The following TMEM223 variants were observed in gnomAD, a reference collection of about 807,000 sequenced individuals.
TMEM223 encodes transmembrane protein 223.
TMEM223 carries 14 observed loss-of-function variants against 14.1 expected under a neutral mutation model. The ratio of observed to expected loss-of-function variants is 0.99; its 90% CI spans 0.66 to 1.55. The LOEUF (loss-of-function observed/expected upper bound fraction) is 1.55. Ranked by LOEUF, TMEM223 falls within the 40% of genes most tolerant of loss-of-function variation. The pLI, the probability that TMEM223 is intolerant of heterozygous loss-of-function variation, is 0.00. For synonymous variants in TMEM223, 145 were observed against 120.5 expected (o/e 1.20, Z -1.33); for missense variants, 346 against 269.9 (o/e 1.28, Z -1.97).
At chr11:62,775,486 C>T (rs879630159) in intron 1 of TMEM223, among the ~76,000 whole-genome samples, 1 of 152,236 alleles carries the variant, frequency 6.6e-6, no homozygotes, top group Admixed American at 6.5e-5. Flanking sequence ...AGGGCTCAGA[C>T]TGATGAAGGC....
rs2084361580 is a variant in TMEM223, at chr11:62,791,602, A to C, written c.316+77T>G. 7 of 1,412,682 alleles carry C rather than the reference A, an allele frequency of 5.0e-6. No homozygotes were observed. In the South Asian group the frequency reaches 1.0e-4, roughly 21 times the overall value. The allele number at this position is 1,412,682 out of a possible 1,614,324, so 87.5% of individuals were successfully genotyped here. A position where few individuals can be genotyped will look rare whatever the true frequency, so the allele number is the denominator to read the frequency against. ...GCCACTCTCGGATAGGGAGTCCCTG[A>C]CTCTCCCTGCCTGTATAGGGAAGGT... On this transcript the variant is annotated intron_variant, in intron 1 of 1. Transcript: ENST00000307366.
chr11:62,789,133 C>T (rs1395775353), downstream of TMEM223: 1 of 1,614,096 alleles, frequency 6.2e-7, no homozygotes, highest in Admixed American at 1.7e-5. Context: ...TAGCTGGGGC[C>T]TCTGGCCTCT....
At chr11:62,786,309 T>C (rs2084274884), downstream of TMEM223, 1 of 1,614,004 alleles carries the variant, frequency 6.2e-7, no homozygotes. Context: ...TGGACAAACT[T>C]GCAGGCTGTG....
In TMEM223 at chr11:62,776,077, T is replaced by C. The variant is rs1181686478; in HGVS notation, c.315-1412A>G. The C allele has an allele frequency of 1.6e-5, 18 of 1,154,486 alleles. No individual in the cohort carries two copies. The South Asian group carries it at 2.8e-4, about 18-fold the overall frequency. 71.5% of individuals were successfully genotyped at this position (1,154,486 alleles called of 1,614,324 possible). A position where few individuals can be genotyped will look rare whatever the true frequency, so the allele number is the denominator to read the frequency against. On this transcript the variant is annotated intron_variant, in intron 1 of 2. Coordinates refer to the TMEM223 transcript ENST00000528367. ...CCATGCCTTTACAGAACTCTACTTG[T>C]AGCTGTCTGGGCTTCCAGCAGACAA... is the stretch of plus-strand genomic sequence containing the variant.
rs755869017 is a variant in TMEM223 at position 62,791,941 on chromosome 11, G to A, written c.54C>T (p.Pro18=). 1.0e-5 allele frequency: 16 copies of A among 1,591,874 alleles called. 1 individual carries two copies. In the Admixed American group the frequency reaches 2.8e-4, roughly 28 times the overall value. ...WPTGLLAVLR[P]LLTCRPLQGT... is the part of the protein sequence containing the mutation. ...CTTGCAGGGGCCGGCAGGTGAGCAG[G>A]GGCCGCAGCACGGCTAGCAGCCCCG... The change falls in exon 1 of 2, where the codon CCC becomes CCT. Residue 18 remains proline, a synonymous_variant. Transcript: ENST00000307366.
intron 1 of TMEM223, chr11:62,779,004 G>A (rs777176022): frequency 7.7e-6 from 9 of 1,174,082 alleles, no homozygotes; most frequent in Admixed American, 1.8e-5. Context: ...AGTTGAAATT[G>A]TAAATTCTAG....
chr11:62,782,440 G>A, intron 1 of TMEM223: 1 of 1,282,124 alleles, frequency 7.8e-7, no homozygotes, highest in East Asian at 2.4e-5. Context: ...GAGAAGATGG[G>A]GAACCTTTTC....
chr11:62,787,638 G>T, downstream of TMEM223: 2 of 1,336,662 alleles, frequency 1.5e-6, no homozygotes, highest in Non-Finnish European at 2.0e-6. Context: ...CGGTGGACCT[G>T]GTGAGGCACG....
chr11:62,771,650 G>C (rs890983798), downstream of TMEM223: 9 of 175,174 alleles, frequency 5.1e-5, no homozygotes, highest in Admixed American at 3.3e-4. Flanking sequence ...CCCCCTCCCC[G>C]ATCTGGGCTG....
downstream of TMEM223, chr11:62,786,138 A>T: frequency 8.0e-7 from 1 of 1,245,188 alleles, no homozygotes; most frequent in South Asian, 1.6e-5. Flanking sequence ...CCAATCAGGG[A>T]ATTTAGGAGG....
downstream of TMEM223, among the ~76,000 whole-genome samples, chr11:62,784,508 G>A (rs367693246): frequency 1.1e-4 from 16 of 147,958 alleles, no homozygotes; most frequent in Middle Eastern, 3.8e-3. Context: ...GCGTTTCACC[G>A]TGTTAGCCAG....
At chr11:62,780,415 G>C (rs900532094) in intron 1 of TMEM223, among the ~76,000 whole-genome samples, 4 of 152,036 alleles carry the variant, frequency 2.6e-5, no homozygotes, top group Admixed American at 1.3e-4. Flanking sequence ...GGAGGCTGAC[G>C]CAGGAGAATC....
chr11:62,790,817 C>T lies in TMEM223; in HGVS notation c.415G>A (p.Ala139Thr). 6.2e-7 allele frequency: 1 copy of T among 1,605,872 alleles called. No individual in the cohort carries two copies. Among genetic ancestry groups the T allele is most frequent in the East Asian group, 2.2e-5 (1 of 44,516 alleles). Residue 139 changes from alanine (A) to threonine (T), a missense_variant, in exon 2 of 2, where the codon GCC becomes ACC. Physicochemically the swap from Ala to Thr is moderately conservative, Grantham distance 58 (BLOSUM62 0). Transcript: ENST00000307366. ...GGQQVTLTTH[A>T]PFGLGAHFTV... is the part of the protein sequence containing the mutation. ...AAATGGGCCCCCAAGCCAAAGGGGG[C>T]ATGAGTGGTGAGGGTCACCTGCTGC...
At chr11:62,786,464 A>T (rs754174702), downstream of TMEM223, 5 of 1,593,068 alleles carry the variant, frequency 3.1e-6, no homozygotes, top group Non-Finnish European at 4.3e-6. Context: ...GGAATATTTG[A>T]TGGGCCCAGG....
downstream of TMEM223, chr11:62,787,873 T>G (rs115244238): frequency 8.6e-3 from 5,043 of 586,510 alleles, 184 homozygotes; most frequent in African/African-American, 0.084. Context: ...TCAGAAGCCA[T>G]TTGTGCTGAG....
At chr11:62,785,692 G>A (rs912442240), downstream of TMEM223, among the ~76,000 whole-genome samples, 2 of 151,718 alleles carry the variant, frequency 1.3e-5, no homozygotes, top group African/African-American at 2.4e-5. Context: ...CTGCTACTGC[G>A]CCCAGCTAAT....
In TMEM223 at chr11:62,775,865, C is replaced by T. The variant is rs142558796; in HGVS notation, c.315-1200G>A. ...CATGGCGGAGAGCACGGGCCTGGAG[C>T]TGAGCGATGAGGTGGCGGCGCTGCT... is the stretch of plus-strand genomic sequence containing the variant. On this transcript the variant is annotated intron_variant, in intron 1 of 2. Transcript: ENST00000528367. 9.1e-4 allele frequency: 1,472 copies of T among 1,613,920 alleles called. 3 individuals are homozygous for T. The highest frequency in any genetic ancestry group is 6.3e-4 in the Non-Finnish European group (742 of 1,180,006).
chr11:62,778,105 G>A, intron 1 of TMEM223: 3 of 1,614,158 alleles, frequency 1.9e-6, no homozygotes, highest in Non-Finnish European at 2.5e-6. Flanking sequence ...ATCCCCAAAG[G>A]CTGTGCTGAG....
chr11:62,774,498 C>T (rs1293641824), intron 2 of TMEM223: 1 of 443,196 alleles, frequency 2.3e-6, no homozygotes, highest in Non-Finnish European at 4.5e-6. Context: ...GATCCCCTGC[C>T]AGAGGAGTAG....
Sources: allele counts gnomAD v4.1 joint callset (sites outside exome capture counted in the v4.1 genomes callset), GRCh38; gene constraint gnomAD v4.1.1; transcripts MANE v1.5; gene names NCBI Gene and HGNC (gene_info 2026-07-23, HGNC 2026-07-21).